The following HPS3 variants were observed in gnomAD, a reference collection of about 807,000 sequenced individuals.
HPS3 encodes the protein HPS3 biogenesis of lysosomal organelles complex 2 subunit 1.
In HPS3, 79 loss-of-function variants were observed where a neutral mutation model predicts 110.9. That is an observed-to-expected ratio of 0.71 (90% CI 0.59 to 0.86). HPS3 has a LOEUF of 0.86. Among genes scored for constraint, HPS3 ranks in the 40% least tolerant of loss-of-function variants. The pLI is 0.00. For missense variants in HPS3, 1,197 were observed against 1,206.2 expected, an observed-to-expected ratio of 0.99 and a Z score of 0.11; for synonymous variants, 428 against 451.0, an observed-to-expected ratio of 0.95 and a Z score of 0.65.
Position 149,141,289 on chromosome 3 carries a change from C to A in HPS3, c.885-6C>A. The A allele has an allele frequency of 6.2e-7, 1 of 1,612,242 alleles. No individual in the cohort carries two copies. The highest frequency in any genetic ancestry group is 8.5e-7 in the Non-Finnish European group (1 of 1,179,362). On this transcript the variant is annotated splice_region_variant and splice_polypyrimidine_tract_variant and intron_variant, in intron 3 of 16. Transcript: ENST00000296051. Reference sequence around the variant, plus strand: ...TTTCCCTTTCTCTGTCTTTTTAAACCCACAGACGTTTTGCTCCTGATATTT... The same window carrying A: ...TTTCCCTTTCTCTGTCTTTTTAAACACACAGACGTTTTGCTCCTGATATTT...
rs375394383 is a variant in HPS3 at position 149,157,357 on chromosome 3, A to G, written c.1517A>G (p.Tyr506Cys). 21 of 1,613,386 alleles carry G rather than the reference A, an allele frequency of 1.3e-5. No individual in the cohort carries two copies. In the East Asian group the frequency reaches 1.3e-4, roughly 10 times the overall value. Residue 506 changes from tyrosine (Y) to cysteine (C), a missense_variant, in exon 9 of 17, where the codon TAT becomes TGT. By Grantham distance (194) the Tyr-to-Cys change is radical. Coordinates refer to ENST00000296051, the MANE Select transcript of HPS3 (RefSeq NM_032383.5). Reference sequence around the variant, plus strand: ...TTTGTCTTTTTTGTTTAGGTAGACTATAGCAATACCTATAAGACTGTCAAA... The same window carrying G: ...TTTGTCTTTTTTGTTTAGGTAGACTGTAGCAATACCTATAAGACTGTCAAA... ...PVQLYKEMVD[Y>C]SNTYKTVKTQ...
chr3:149,168,402 G>T, intron 16 of HPS3: 1 of 200,098 alleles, frequency 5.0e-6, no homozygotes, highest in Non-Finnish European at 1.0e-5. Context: ...TAAAAGTTGA[G>T]TATCTAAATT....
chr3:149,162,010 T>C, intron 11 of HPS3, 138 bp from the exon 12 acceptor site: 2 of 724,992 alleles, frequency 2.8e-6, no homozygotes, highest in Non-Finnish European at 4.7e-6. Context: ...CTAGCCTTTA[T>C]AGTCAAAGAA....
intron 16 of HPS3, among the ~76,000 whole-genome samples, 176 bp from the exon 17 acceptor site, chr3:149,171,919 C>T (rs1725030810): frequency 6.6e-6 from 1 of 151,960 alleles, no homozygotes; most frequent in Non-Finnish European, 1.5e-5. Flanking sequence ...GTTGGCCAGA[C>T]TGGTCTTGAA....
At position 149,138,893 on chromosome 3, in the gene HPS3, G is replaced by T. The variant is rs572027468; in HGVS notation, c.218-1111G>T. Among the ~76,000 whole-genome samples the T allele has an allele frequency of 1.2e-4, 19 of 152,310 alleles. 1 individual carries two copies. The Middle Eastern group carries it at 0.017, about 136-fold the overall frequency. On this transcript the variant is annotated intron_variant, in intron 1 of 16. Transcript: ENST00000296051. ...GAGTCAGTGCTAGTGAGGATGTGGG[G>T]AAACAGGTGTGTTTAAGCACTGCTG...
At chr3:149,162,610 G>A in intron 12 of HPS3, 80 bp from the exon 13 acceptor site, 11 of 1,415,588 alleles carry the variant, frequency 7.8e-6, no homozygotes, top group Non-Finnish European at 9.0e-6. Flanking sequence ...CCCATGTGAT[G>A]CTGTGATATT....
At chr3:149,150,945 G>A (rs1006035621) in intron 6 of HPS3, among the ~76,000 whole-genome samples, 1 of 152,130 alleles carries the variant, frequency 6.6e-6, no homozygotes, top group African/African-American at 2.4e-5. Context: ...AATATAAAAA[G>A]TGTGAACTGA....
At chr3:149,150,326 T>C (rs190716323) in intron 5 of HPS3, among the ~76,000 whole-genome samples, 10 of 152,308 alleles carry the variant, frequency 6.6e-5, no homozygotes, top group Admixed American at 1.3e-4. Context: ...GAGTCACATA[T>C]GGAGTTTTGT....
intron 1 of HPS3, among the ~76,000 whole-genome samples, chr3:149,138,714 AAAAC>A (rs1345000341): frequency 1.3e-5 from 2 of 152,220 alleles, no homozygotes; most frequent in Non-Finnish European, 2.9e-5. Flanking sequence ...CATGATAAGA[AAAAC>A]AAATGAACAA....
intron 7 of HPS3, 121 bp from the exon 8 acceptor site, chr3:149,154,986 A>G (rs1394165127): frequency 1.5e-6 from 1 of 688,914 alleles, no homozygotes; most frequent in African/African-American, 1.8e-5. Context: ...ACAGTTAATC[A>G]CTGAGGAAAA....
chr3:149,132,818 G>A (rs555693500), intron 1 of HPS3, among the ~76,000 whole-genome samples: 16 of 152,330 alleles, frequency 1.1e-4, no homozygotes, highest in African/African-American at 3.1e-4. Flanking sequence ...ATTCATGGAA[G>A]GAGATCAGAT....
chr3:149,141,307 T>C lies in HPS3; in HGVS notation c.897T>C (p.Pro299=). Residue 299 remains proline (P), a synonymous_variant, in exon 4 of 17, where the codon CCT becomes CCC. Transcript: ENST00000296051. ...FQHLLYRRFA[P]DISSYVLSDD... Reference sequence around the variant, plus strand: ...TTTAAACCCACAGACGTTTTGCTCCTGATATTTCGTCCTATGTCTTGTCTG... The same window carrying C: ...TTTAAACCCACAGACGTTTTGCTCCCGATATTTCGTCCTATGTCTTGTCTG... The C allele has an allele frequency of 6.2e-7, 1 of 1,613,888 alleles. No homozygotes were observed. Among genetic ancestry groups the C allele is most frequent in the African/African-American group, 1.3e-5 (1 of 74,994 alleles).
intron 1 of HPS3, among the ~76,000 whole-genome samples, chr3:149,133,379 AACCTCC>A (rs1052782346): frequency 1.3e-5 from 2 of 151,910 alleles, no homozygotes; most frequent in African/African-American, 2.4e-5. Context: ...GGCTCACCAC[AACCTCC>A]ACCTCCCAGG....
In HPS3 at chr3:149,158,648, T is replaced by C. The variant is rs777066822; in HGVS notation, c.1692-18T>C. On this transcript the variant is annotated intron_variant, in intron 9 of 16. Coordinates refer to ENST00000296051, the MANE Select transcript of HPS3 (RefSeq NM_032383.5). ...AAAAAAGTGACAAATTTGAGGTTTT[T>C]CATTTCCTTCCCTTTAGGCTTGACT... 1 of 1,612,140 alleles carries C rather than the reference T, an allele frequency of 6.2e-7. No homozygotes were observed. Among genetic ancestry groups the C allele is most frequent in the East Asian group, 2.2e-5 (1 of 44,858 alleles).
chr3:149,144,462 A>C (rs143724232), intron 4 of HPS3, among the ~76,000 whole-genome samples: 1 of 152,338 alleles, frequency 6.6e-6, no homozygotes, highest in East Asian at 1.9e-4. Flanking sequence ...TGACTAAAAA[A>C]CTTCTGTAAT....
intron 8 of HPS3, 56 bp downstream of exon 8, chr3:149,155,271 A>G (rs1723378975): frequency 9.9e-7 from 1 of 1,010,972 alleles, no homozygotes; most frequent in Non-Finnish European, 1.6e-6. Flanking sequence ...GAAATTAATG[A>G]TCAGAAATTG....
intron 1 of HPS3, among the ~76,000 whole-genome samples, chr3:149,133,868 C>T (rs953325416): frequency 1.3e-5 from 2 of 151,900 alleles, no homozygotes; most frequent in African/African-American, 4.8e-5. Context: ...ACAAACATAA[C>T]TTTTTTATGC....
chr3:149,134,130 A>G (rs1433752491), intron 1 of HPS3, among the ~76,000 whole-genome samples: 1 of 152,244 alleles, frequency 6.6e-6, no homozygotes, highest in East Asian at 1.9e-4. Context: ...GCCTAATGAC[A>G]ACATTAGCAG....
In HPS3 at chr3:149,143,513, G is replaced by A. The variant is rs115915531; in HGVS notation, c.971-1841G>A. On this transcript the variant is annotated intron_variant, in intron 4 of 16. Transcript: ENST00000296051. ...ATGAAGGCTCTGTGAAAGCAGTTACGTTGTTTTGAACACTGTTGTATCCCT... is the reference window on the plus strand; with the variant it reads ...ATGAAGGCTCTGTGAAAGCAGTTACATTGTTTTGAACACTGTTGTATCCCT... Among the ~76,000 whole-genome samples, 40 of 152,260 alleles carry A rather than the reference G, an allele frequency of 2.6e-4. 1 individual carries two copies. Among genetic ancestry groups the A allele is most frequent in the African/African-American group, 7.9e-4 (33 of 41,558 alleles).
Sources: allele counts gnomAD v4.1 joint callset (sites outside exome capture counted in the v4.1 genomes callset), GRCh38; gene constraint gnomAD v4.1.1; transcripts MANE v1.5; gene names NCBI Gene and HGNC (gene_info 2026-07-23, HGNC 2026-07-21).